DBF4: variants seen among roughly 807,000 people sequenced by gnomAD.
The protein encoded by DBF4 is protein DBF4 homolog A.
In DBF4, 25 loss-of-function variants were observed where a neutral mutation model predicts 76.6. The observed-to-expected ratio is 0.33, with a 90% CI of 0.24 to 0.46. The LOEUF (loss-of-function observed/expected upper bound fraction) is 0.46, where lower values mean the gene tolerates loss of function less well. Among genes scored for constraint, DBF4 ranks in the 20% least tolerant of loss-of-function variants. DBF4 has a pLI of 1.00. For synonymous variants in DBF4, 213 were observed against 258.0 expected, an observed-to-expected ratio of 0.83 and a Z score of 1.67; for missense variants, 638 against 760.8, an observed-to-expected ratio of 0.84 and a Z score of 1.90.
chr7:87,888,108 C>A, intron 6 of DBF4, 49 bp downstream of exon 6: 1 of 1,511,060 alleles, frequency 6.6e-7, no homozygotes, highest in South Asian at 1.3e-5. Flanking sequence ...GGTTTTTTTA[C>A]TTACGTATTT....
intron 1 of DBF4, among the ~76,000 whole-genome samples, chr7:87,877,826 A>C (rs1398089545): frequency 6.6e-6 from 1 of 152,226 alleles, no homozygotes. Flanking sequence ...TAAACACACG[A>C]ATATTTCTTG....
At position 87,907,787 on chromosome 7, in the gene DBF4, C is replaced by T; in HGVS notation, c.1649C>T (p.Pro550Leu). The T allele has an allele frequency of 1.9e-6, 3 of 1,614,048 alleles. No homozygotes were observed. Among genetic ancestry groups the T allele is most frequent in the Non-Finnish European group, 2.5e-6 (3 of 1,179,948 alleles). Reference protein sequence around the residue: ...QEHLTVQAKAPFHTPPEEPNE... With the variant: ...QEHLTVQAKALFHTPPEEPNE... ...CACCTAACTGTTCAGGCAAAGGCTC[C>T]ATTCCATACTCCTCCTGAGGAACCC... The change falls in exon 12 of 12, where the codon CCA (proline) becomes CTA (leucine). Residue 550 changes from proline to leucine, a missense_variant. Pro to Leu is a moderately conservative substitution (Grantham distance 98, BLOSUM62 -3). Coordinates refer to ENST00000265728, the MANE Select transcript of DBF4 (RefSeq NM_006716.4).
Position 87,876,684 on chromosome 7 carries a change from C to A in DBF4, c.-49C>A. 6.2e-7 allele frequency: 1 copy of A among 1,609,344 alleles called. No homozygotes were observed. Among genetic ancestry groups the A allele is most frequent in the Non-Finnish European group, 8.5e-7 (1 of 1,177,614 alleles). On this transcript the variant is annotated 5_prime_UTR_variant, in exon 1 of 12. Coordinates refer to ENST00000265728, the MANE Select transcript of DBF4 (RefSeq NM_006716.4). ...GGGAAGCCGTGCTTTCGCGGCTGCC[C>A]GGTGCGACACTTTCTCCGGACCCAG... is the stretch of plus-strand genomic sequence containing the variant.
intron 5 of DBF4, 35 bp downstream of exon 5, chr7:87,887,433 GTT>G: frequency 6.6e-7 from 1 of 1,526,652 alleles, no homozygotes; most frequent in Non-Finnish European, 8.8e-7. Flanking sequence ...GACAGTATTT[GTT>G]TTAAGTGTCC....
chr7:87,878,909 C>G (rs1010136141), intron 2 of DBF4, among the ~76,000 whole-genome samples: 2 of 152,134 alleles, frequency 1.3e-5, no homozygotes, highest in Non-Finnish European at 1.5e-5. Flanking sequence ...CTAAACTGAT[C>G]CTTTCATTCC....
intron 6 of DBF4, among the ~76,000 whole-genome samples, chr7:87,890,427 A>C (rs1839455845): frequency 6.6e-6 from 1 of 152,128 alleles, no homozygotes; most frequent in African/African-American, 2.4e-5. Flanking sequence ...AGCTACTTGG[A>C]AGGCTGATAG....
intron 2 of DBF4, among the ~76,000 whole-genome samples, chr7:87,884,341 A>G (rs949204862): frequency 3.9e-5 from 6 of 152,250 alleles, no homozygotes; most frequent in Non-Finnish European, 5.9e-5. Flanking sequence ...AACCTGGGCA[A>G]CATAACAAGA....
In DBF4 at chr7:87,887,382, A is replaced by G. The variant is rs1839383650; in HGVS notation, c.504A>G (p.Lys168=). ...ILSNALSWGV[K]ILHIDDIRYY... is the part of the protein sequence containing the mutation. ...CAAATGCCTTGTCATGGGGAGTAAA[A>G]ATTCTTCATATTGATGGTAAGGATT... is the stretch of plus-strand genomic sequence containing the variant. Residue 168 remains lysine (K), a synonymous_variant, in exon 5 of 12, where the codon AAA becomes AAG. Transcript: ENST00000265728. The G allele has an allele frequency of 6.4e-7, 1 of 1,570,002 alleles. No individual in the cohort carries two copies. The highest frequency in any genetic ancestry group is 8.7e-7 in the Non-Finnish European group (1 of 1,148,578).
intron 2 of DBF4, among the ~76,000 whole-genome samples, chr7:87,882,483 T>C (rs1839240372): frequency 1.3e-5 from 2 of 152,288 alleles, no homozygotes; most frequent in Non-Finnish European, 1.5e-5. Flanking sequence ...TTCATCAGGA[T>C]TAAGAACTTT....
rs1220509488 is a variant in DBF4, at chr7:87,908,844, G to A, written c.*681G>A. Reference sequence around the variant, plus strand: ...GCCACAGGATCCCAGCACTTTGGGAGGCCGAGGCAGGCTGATCACGAGGTC... The same window carrying A: ...GCCACAGGATCCCAGCACTTTGGGAAGCCGAGGCAGGCTGATCACGAGGTC... On this transcript the variant is annotated 3_prime_UTR_variant, in exon 12 of 12. Transcript: ENST00000265728. 1 of 152,226 alleles carries A rather than the reference G, an allele frequency of 6.6e-6. No individual in the cohort carries two copies. The highest frequency in any genetic ancestry group is 1.9e-4 in the East Asian group (1 of 5,202). 9.4% of individuals were successfully genotyped at this position (152,226 alleles called of 1,614,324 possible).
rs1291247374 is a variant in DBF4, at chr7:87,909,017, A to G, written c.*854A>G. 2.6e-5 allele frequency: 4 copies of G among 152,200 alleles called. No homozygotes were observed. Among genetic ancestry groups the G allele is most frequent in the African/African-American group, 9.7e-5 (4 of 41,444 alleles). The allele number at this position is 152,200 out of a possible 1,614,324, so 9.4% of individuals were successfully genotyped here. A position where few individuals can be genotyped will look rare whatever the true frequency, so the allele number is the denominator to read the frequency against. ...CTTGAACCTGGGAAGTGCAGGTTGC[A>G]GTGAGCCAAGATTGTGCCACTGTAT... On this transcript the variant is annotated 3_prime_UTR_variant, in exon 12 of 12. Coordinates refer to ENST00000265728, the MANE Select transcript of DBF4 (RefSeq NM_006716.4).
chr7:87,876,581 C>T lies in DBF4; in HGVS notation c.-152C>T, dbSNP rs1425298077. On this transcript the variant is annotated 5_prime_UTR_variant, in exon 1 of 12. Transcript: ENST00000265728. ...CCGGATCCGGCCCCGGAAACCCGAC[C>T]TGCAGACGCGGTACCTCTACTGCGT... 1.2e-6 allele frequency: 1 copy of T among 807,926 alleles called. No homozygotes were observed. Among genetic ancestry groups the T allele is most frequent in the Non-Finnish European group, 2.0e-6 (1 of 503,226 alleles). The allele number at this position is 807,926 out of a possible 1,614,324, so 50.0% of individuals were successfully genotyped here.
At chr7:87,880,925 G>A (rs186835347) in intron 2 of DBF4, among the ~76,000 whole-genome samples, 28 of 152,260 alleles carry the variant, frequency 1.8e-4, no homozygotes, top group African/African-American at 6.0e-4. Context: ...ATACCTTGGC[G>A]TATTAGCTTG....
At chr7:87,897,687 A>G (rs1294297650) in intron 8 of DBF4, among the ~76,000 whole-genome samples, 2 of 152,230 alleles carry the variant, frequency 1.3e-5, no homozygotes, top group African/African-American at 4.8e-5. Context: ...ATTAGATGCT[A>G]TTTAGAAACA....
At chr7:87,878,295 T>A in intron 2 of DBF4, 70 bp downstream of exon 2, 1 of 1,267,304 alleles carries the variant, frequency 7.9e-7, no homozygotes, top group Non-Finnish European at 1.1e-6. Flanking sequence ...TGTAATCATT[T>A]AAATTTTTCA....
intron 4 of DBF4, 65 bp from the exon 5 acceptor site, chr7:87,887,264 T>G (rs1839379681): frequency 1.6e-6 from 2 of 1,221,592 alleles, no homozygotes; most frequent in Non-Finnish European, 2.3e-6. Flanking sequence ...TAATTGAATT[T>G]TTATTAAAAT....
chr7:87,899,230 T>C (rs1273566899), intron 8 of DBF4, among the ~76,000 whole-genome samples: 1 of 152,126 alleles, frequency 6.6e-6, no homozygotes, highest in African/African-American at 2.4e-5. Flanking sequence ...ATAATTAAAT[T>C]GGACCATATC....
At position 87,885,105 on chromosome 7, in the gene DBF4, A is replaced by G; in HGVS notation, c.346A>G (p.Thr116Ala). 6.2e-7 allele frequency: 1 copy of G among 1,613,508 alleles called. No individual in the cohort carries two copies. The highest frequency in any genetic ancestry group is 8.5e-7 in the Non-Finnish European group (1 of 1,179,638). ...PSPESAYTAE[T>A]TSPHPSHDGS... ...TCCAGAATCTGCATATACTGCAGAA[A>G]CCACTTCACCTCATCCCAGCCATGA... The change falls in exon 3 of 12, where the codon ACC becomes GCC. Residue 116 changes from threonine to alanine, a missense_variant. Thr to Ala is a moderately conservative substitution (Grantham distance 58, BLOSUM62 0). Transcript: ENST00000265728.
rs1839072839 is a variant in DBF4 at position 87,877,040 on chromosome 7, A to C, written c.46+262A>C. Among the ~76,000 whole-genome samples, 3 of 152,142 alleles carry C rather than the reference A, an allele frequency of 2.0e-5. No individual in the cohort carries two copies. In the South Asian group the frequency reaches 6.2e-4, roughly 32 times the overall value. ...TGCCTTCGGTTGAAAACTAGCAAAC[A>C]ATGTGCAGATCCGGGACCTCGCCGG... is the stretch of plus-strand genomic sequence containing the variant. On this transcript the variant is annotated intron_variant, in intron 1 of 11. Coordinates refer to ENST00000265728, the MANE Select transcript of DBF4 (RefSeq NM_006716.4).
Sources: gnomAD v4.1 joint callset for allele counts (sites outside exome capture counted in the v4.1 genomes callset) on GRCh38, gnomAD v4.1.1 for gene constraint, MANE v1.5 for transcripts, NCBI Gene and HGNC (gene_info 2026-07-23, HGNC 2026-07-21) for gene names.